The following CSMD1 variants were observed in gnomAD, a reference collection of about 807,000 sequenced individuals.
The protein encoded by CSMD1 is CUB and Sushi multiple domains 1, also known as CUB and sushi domain-containing protein 1.
Under a neutral mutation model 417.5 loss-of-function variants are expected in CSMD1, and 213 were observed. That is an observed-to-expected ratio of 0.51 (90% confidence interval 0.46 to 0.57). The LOEUF is 0.57. CSMD1 is among the 20% of genes least tolerant of loss of function. CSMD1 has a pLI of 0.00. For missense variants in CSMD1, 6,923 were observed against 4,529.7 expected (o/e 1.53, Z -15.17); for synonymous variants, 2,862 against 1,736.8 (o/e 1.65, Z -16.11).
At chr8:3,111,409 T>A (rs1226613224) in intron 42 of CSMD1, among the ~76,000 whole-genome samples, 1 of 152,186 alleles carries the variant, frequency 6.6e-6, no homozygotes. Flanking sequence ...TAATTATTAC[T>A]AAGTGAGGTT....
At chr8:4,203,869 G>A (rs545971004) in intron 3 of CSMD1, among the ~76,000 whole-genome samples, 1 of 152,160 alleles carries the variant, frequency 6.6e-6, no homozygotes, top group East Asian at 1.9e-4. Flanking sequence ...GGAAGGCTGA[G>A]GTAGGTGGAT....
At chr8:3,332,482 G>A (rs113572947) in intron 23 of CSMD1, among the ~76,000 whole-genome samples, 34 of 152,286 alleles carry the variant, frequency 2.2e-4, no homozygotes, top group African/African-American at 6.7e-4. Flanking sequence ...AGGGAAGATC[G>A]AGGCACATAA....
Position 4,486,403 on chromosome 8 carries a change from T to A in CSMD1, c.303-66338A>T, listed in dbSNP as rs565227435. Among the ~76,000 whole-genome samples the A allele has an allele frequency of 9.3e-5, 14 of 151,050 alleles. No homozygotes were observed. The South Asian group carries it at 2.9e-3, about 31-fold the overall frequency. On this transcript the variant is annotated intron_variant, in intron 2 of 69. Coordinates refer to ENST00000635120, the MANE Select transcript of CSMD1 (RefSeq NM_033225.6). ...TCCTTCTCATTTTTACTTCCAGGAA[T>A]CATAACATGATTTATATTTAATTAT...
chr8:4,951,864 C>T (rs903458507), intron 1 of CSMD1, among the ~76,000 whole-genome samples: 13 of 143,692 alleles, frequency 9.0e-5, no homozygotes, highest in Non-Finnish European at 1.7e-4. Flanking sequence ...GAAGGACCAC[C>T]CTGCATATAC....
intron 7 of CSMD1, among the ~76,000 whole-genome samples, chr8:3,663,708 G>C (rs148334145): frequency 6.6e-6 from 1 of 152,098 alleles, no homozygotes; most frequent in Non-Finnish European, 1.5e-5. Context: ...GCTTCCAGCC[G>C]TTCTGCCCGC....
chr8:4,863,244 G>C (rs1012709261), intron 1 of CSMD1, among the ~76,000 whole-genome samples: 9 of 152,118 alleles, frequency 5.9e-5, no homozygotes, highest in South Asian at 4.1e-4. Flanking sequence ...CATGTGTTTT[G>C]AGAATTATCT....
At chr8:4,985,984 G>C (rs922803156) in intron 1 of CSMD1, among the ~76,000 whole-genome samples, 1 of 152,092 alleles carries the variant, frequency 6.6e-6, no homozygotes, top group South Asian at 2.1e-4. Context: ...GTTTGCCAAG[G>C]TCTCTCTTCT....
intron 2 of CSMD1, among the ~76,000 whole-genome samples, chr8:4,495,181 C>T (rs1481728131): frequency 6.6e-6 from 1 of 152,110 alleles, no homozygotes; most frequent in East Asian, 1.9e-4. Flanking sequence ...CTTAGCATTA[C>T]CCAGAATTTC....
rs186783185 is a variant in CSMD1, at chr8:3,400,727, T to A, written c.2267-1198A>T. ...GTAATAAAAGAAAAATTTTATTCAGTGAACACGGCAGTGGAAATTAAAAAC... is the reference window on the plus strand; with the variant it reads ...GTAATAAAAGAAAAATTTTATTCAGAGAACACGGCAGTGGAAATTAAAAAC... On this transcript the variant is annotated intron_variant, in intron 15 of 69. Transcript: ENST00000635120. 2.0e-5 allele frequency among the ~76,000 whole-genome samples: 3 copies of A among 151,942 alleles called. No homozygotes were observed. The East Asian group carries it at 5.8e-4, about 29-fold the overall frequency.
intron 3 of CSMD1, among the ~76,000 whole-genome samples, chr8:4,337,656 G>C (rs1239365740): frequency 1.3e-5 from 2 of 152,124 alleles, no homozygotes. Context: ...ACTTACAGCA[G>C]ATTATTCTCA....
chr8:4,518,672 C>T (rs908765588), intron 2 of CSMD1, among the ~76,000 whole-genome samples: 14 of 148,184 alleles, frequency 9.4e-5, no homozygotes, highest in Non-Finnish European at 1.7e-4. Flanking sequence ...TGCTAAATGA[C>T]GAGTTAACGG....
At chr8:4,037,552 G>C (rs762519950) in intron 3 of CSMD1, among the ~76,000 whole-genome samples, 10 of 152,286 alleles carry the variant, frequency 6.6e-5, no homozygotes, top group East Asian at 3.9e-4. Flanking sequence ...ATCAGACATA[G>C]CCTTTGCAAG....
chr8:4,535,412 G>A (rs6996668), intron 2 of CSMD1, among the ~76,000 whole-genome samples: 2 of 151,886 alleles, frequency 1.3e-5, no homozygotes, highest in African/African-American at 4.8e-5. Flanking sequence ...ATGAACAATA[G>A]AATTCATTTG....
intron 3 of CSMD1, among the ~76,000 whole-genome samples, chr8:4,109,258 C>T (rs1190484646): frequency 1.3e-5 from 2 of 152,004 alleles, no homozygotes; most frequent in East Asian, 3.8e-4. Context: ...ATGTTTTTGA[C>T]CCTTGGTTGT....
chr8:3,867,928 C>G (rs772532556), intron 5 of CSMD1, among the ~76,000 whole-genome samples: 2 of 152,014 alleles, frequency 1.3e-5, no homozygotes, highest in African/African-American at 2.4e-5. Flanking sequence ...GCCTGGACAC[C>G]CTTACAGCCA....
chr8:3,099,423 C>T (rs543955636), intron 46 of CSMD1, among the ~76,000 whole-genome samples: 2 of 152,106 alleles, frequency 1.3e-5, no homozygotes, highest in African/African-American at 2.4e-5. Flanking sequence ...ATGGCAGGTT[C>T]AATAAACTTA....
At chr8:3,039,241 C>A (rs1428311282) in intron 50 of CSMD1, among the ~76,000 whole-genome samples, 2 of 151,940 alleles carry the variant, frequency 1.3e-5, no homozygotes, top group Non-Finnish European at 2.9e-5. Context: ...CCCGCAAAAT[C>A]TGACTCCCGT....
In CSMD1 at chr8:4,246,360, A is replaced by G. The variant is rs767259191; in HGVS notation, c.415+173593T>C. 3.1e-4 allele frequency among the ~76,000 whole-genome samples: 47 copies of G among 152,290 alleles called. No homozygotes were observed. In the Middle Eastern group the frequency reaches 0.031, roughly 99 times the overall value. ...CTTGCAAAGGACACGGTCAGTCCTTAGAAGAGTAGTTCTTGATAAAATATT... is the reference window on the plus strand; with the variant it reads ...CTTGCAAAGGACACGGTCAGTCCTTGGAAGAGTAGTTCTTGATAAAATATT... On this transcript the variant is annotated intron_variant, in intron 3 of 69. Transcript: ENST00000635120.
Position 3,999,368 on chromosome 8 carries a change from T to C in CSMD1, c.611-1258A>G, listed in dbSNP as rs75503144. ...ACCCACCCTCTCTCCACCAAAATTA[T>C]ACCGAAGTGAGAGGAAATGACCTCC... On this transcript the variant is annotated intron_variant, in intron 4 of 69. Transcript: ENST00000635120. Among the ~76,000 whole-genome samples, 1,182 of 152,284 alleles carry C rather than the reference T, an allele frequency of 7.8e-3. 61 individuals carry two copies. The East Asian group carries it at 0.14, about 17-fold the overall frequency.
Sources: allele counts gnomAD v4.1 joint callset (sites outside exome capture counted in the v4.1 genomes callset), GRCh38; gene constraint gnomAD v4.1.1; transcripts MANE v1.5; gene names NCBI Gene and HGNC (gene_info 2026-07-23, HGNC 2026-07-21).